The following PRMT8 variants were observed in gnomAD, a reference collection of about 807,000 sequenced individuals.
The protein encoded by PRMT8 is protein arginine methyltransferase 8.
PRMT8 carries 7 observed loss-of-function variants against 47.1 expected under a neutral mutation model. The observed-to-expected ratio is 0.15, with a 90% CI of 0.08 to 0.28. PRMT8 has a LOEUF of 0.28. PRMT8 is among the 10% of genes least tolerant of loss of function. The pLI is 1.00. For missense variants in PRMT8, 237 were observed against 505.4 expected, an observed-to-expected ratio of 0.47 and a Z score of 5.09; for synonymous variants, 188 against 186.5, an observed-to-expected ratio of 1.01 and a Z score of -0.07.
chr12:3,541,021 G>C (rs551777280), intron 2 of PRMT8, among the ~76,000 whole-genome samples: 57 of 152,208 alleles, frequency 3.7e-4, no homozygotes, highest in Non-Finnish European at 7.1e-4. Flanking sequence ...TCCACAGCCA[G>C]AGAGAGCACA....
intron 4 of PRMT8, among the ~76,000 whole-genome samples, chr12:3,556,700 G>A (rs1347316404): frequency 1.3e-5 from 2 of 152,232 alleles, no homozygotes; most frequent in East Asian, 1.9e-4. Flanking sequence ...ATATGAAAAC[G>A]TGTATGTGAT....
chr12:3,442,198 G>A (rs1296593712), intron 1 of PRMT8, among the ~76,000 whole-genome samples: 8 of 152,142 alleles, frequency 5.3e-5, no homozygotes, highest in Admixed American at 4.6e-4. Context: ...GCAGAACAAC[G>A]GAAGTAATAT....
In PRMT8 at chr12:3,395,422, T is replaced by A. The variant is rs371101341; in HGVS notation, c.48+13980T>A. On this transcript the variant is annotated intron_variant, in intron 1 of 9. Transcript: ENST00000452611. ...TTCTGGTATGTTGTGTCTTTGTTCTTGTTGGTTTCAAAGAACATCTTTATT... is the reference window on the plus strand; with the variant it reads ...TTCTGGTATGTTGTGTCTTTGTTCTAGTTGGTTTCAAAGAACATCTTTATT... 9.8e-4 allele frequency among the ~76,000 whole-genome samples: 146 copies of A among 149,572 alleles called. 1 individual carries two copies. The highest frequency in any genetic ancestry group is 3.5e-3 in the African/African-American group (142 of 40,738).
At chr12:3,540,910 C>T (rs1866216742) in intron 2 of PRMT8, 119 bp downstream of exon 2, 1 of 1,200,552 alleles carries the variant, frequency 8.3e-7, no homozygotes, top group Non-Finnish European at 1.2e-6. Context: ...TCCCAGTGTT[C>T]CTGAGTCCTC....
At chr12:3,395,577 T>C (rs1217981074) in intron 1 of PRMT8, among the ~76,000 whole-genome samples, 4 of 150,676 alleles carry the variant, frequency 2.7e-5, no homozygotes, top group African/African-American at 7.3e-5. Flanking sequence ...GTCTGAGAGA[T>C]AGTTTGTTAT....
intron 4 of PRMT8, among the ~76,000 whole-genome samples, chr12:3,563,810 A>G (rs1289332864): frequency 1.3e-5 from 2 of 152,180 alleles, no homozygotes; most frequent in Non-Finnish European, 2.9e-5. Context: ...ACAAGTTCCT[A>G]GGAGGATTAC....
At chr12:3,414,226 A>G (rs1212362112) in intron 1 of PRMT8, among the ~76,000 whole-genome samples, 1 of 152,244 alleles carries the variant, frequency 6.6e-6, no homozygotes, top group Non-Finnish European at 1.5e-5. Flanking sequence ...AAAGCTGGAG[A>G]AAAAGGTGAT....
intron 1 of PRMT8, among the ~76,000 whole-genome samples, chr12:3,423,492 A>G (rs186048099): frequency 4.7e-4 from 72 of 152,280 alleles, no homozygotes; most frequent in Admixed American, 4.7e-3. Flanking sequence ...GCCATTTTTC[A>G]TCTTTCCAAT....
intron 1 of PRMT8, among the ~76,000 whole-genome samples, chr12:3,410,553 G>C (rs370929293): frequency 6.6e-6 from 1 of 152,210 alleles, no homozygotes; most frequent in East Asian, 1.9e-4. Context: ...CTGTCGCCCA[G>C]GCTGGAGTGC....
chr12:3,454,763 C>G (rs889094250), intron 1 of PRMT8, among the ~76,000 whole-genome samples: 2 of 152,172 alleles, frequency 1.3e-5, no homozygotes, highest in Non-Finnish European at 2.9e-5. Context: ...CCTGCTTCCT[C>G]GTGTTGTTTG....
chr12:3,523,728 T>A (rs1176146308), intron 1 of PRMT8, among the ~76,000 whole-genome samples: 1 of 152,206 alleles, frequency 6.6e-6, no homozygotes, highest in East Asian at 1.9e-4. Context: ...AGGCAGGCAT[T>A]GCATGTTGGC....
intron 1 of PRMT8, among the ~76,000 whole-genome samples, chr12:3,384,620 C>T (rs1022321298): frequency 1.3e-5 from 2 of 151,972 alleles, no homozygotes; most frequent in Non-Finnish European, 2.9e-5. Flanking sequence ...TCCCAGGTGC[C>T]GCTAGTAGGG....
intron 4 of PRMT8, among the ~76,000 whole-genome samples, chr12:3,562,467 C>T (rs894526699): frequency 2.6e-5 from 4 of 151,792 alleles, no homozygotes; most frequent in Admixed American, 6.6e-5. Flanking sequence ...TGAAGGCAAG[C>T]GAACAAACAA....
At position 3,580,396 on chromosome 12, in the gene PRMT8, A is replaced by C. The variant is rs147817301; in HGVS notation, c.829-2662A>C. ...CGTGCGCATGCGGGATAGAAGGAGA[A>C]AGTAACCACGTCTAGATTGTAAGCC... On this transcript the variant is annotated intron_variant, in intron 7 of 9. Transcript: ENST00000382622. This position sits in a 1 kb window ranked among gnomAD's most constrained non-coding sequence, Gnocchi z 4.6. Among the ~76,000 whole-genome samples, 1,375 of 151,166 alleles carry C rather than the reference A, an allele frequency of 9.1e-3. 18 individuals are homozygous for C. Among genetic ancestry groups the C allele is most frequent in the African/African-American group, 0.032 (1,300 of 41,130 alleles).
intron 1 of PRMT8, among the ~76,000 whole-genome samples, chr12:3,478,307 T>TCTAC (rs59437397): frequency 0.25 from 34,281 of 135,416 alleles, 5,430 homozygotes; most frequent in Middle Eastern, 0.36. Flanking sequence ...TATCTATCTA[T>TCTAC]CTACCTACCT....
Position 3,492,926 on chromosome 12 carries a change from G to A in PRMT8, c.75+1226G>A, listed in dbSNP as rs190741933. Among the ~76,000 whole-genome samples the A allele has an allele frequency of 3.4e-3, 523 of 152,138 alleles. 3 individuals are homozygous for A. Among genetic ancestry groups the A allele is most frequent in the African/African-American group, 0.012 (500 of 41,508 alleles). ...AGCGGGGGGCGGGGATGGGGGTGTG[G>A]CGCGGGGATTGTCCCTCTGTCTTGC... On this transcript the variant is annotated intron_variant, in intron 1 of 9. Transcript: ENST00000382622. The surrounding 1 kb of genome is among the most constrained non-coding windows in gnomAD (Gnocchi z 7.5).
chr12:3,386,668 A>T (rs1471577835), intron 1 of PRMT8, among the ~76,000 whole-genome samples: 1 of 151,584 alleles, frequency 6.6e-6, no homozygotes, highest in Non-Finnish European at 1.5e-5. Flanking sequence ...CAAGCCACAC[A>T]GTGTTCATCA....
chr12:3,431,576 C>T (rs181205471), intron 1 of PRMT8, among the ~76,000 whole-genome samples: 1 of 152,168 alleles, frequency 6.6e-6, no homozygotes, highest in African/African-American at 2.4e-5. Flanking sequence ...GGATGAAAAA[C>T]CACAAGGGAA....
intron 1 of PRMT8, among the ~76,000 whole-genome samples, chr12:3,433,228 C>T (rs546981277): frequency 1.3e-5 from 2 of 152,192 alleles, no homozygotes; most frequent in Non-Finnish European, 2.9e-5. Flanking sequence ...ATTAGTTAGC[C>T]TCCTGTGAAT....
Sources: gnomAD v4.1 joint callset for allele counts (sites outside exome capture counted in the v4.1 genomes callset) on GRCh38, gnomAD v4.1.1 for gene constraint, Gnocchi (gnomAD v3.1) non-coding constraint, MANE v1.5 for transcripts, NCBI Gene and HGNC (gene_info 2026-07-23, HGNC 2026-07-21) for gene names.